Variants in WDR86 observed in about 807,000 individuals in gnomAD.
WDR86 encodes WD repeat-containing protein 86.
A neutral mutation model predicts 36.5 loss-of-function variants in WDR86; 30 were observed. The ratio of observed to expected loss-of-function variants is 0.82; its 90% confidence interval spans 0.61 to 1.11. WDR86 has a LOEUF of 1.11. Ranked by LOEUF, WDR86 falls within the 50% of genes most tolerant of loss-of-function variation. The pLI is 0.00. For synonymous variants in WDR86, 255 were observed against 252.9 expected (o/e 1.01, Z -0.08); for missense variants, 545 against 561.2 (o/e 0.97, Z 0.29).
In WDR86 at chr7:151,381,376, G is replaced by A. The variant is rs1286945797; in HGVS notation, c.*206C>T. Reference sequence around the variant, plus strand: ...GAGCCACCCTAAAAGGGAAAAGGGGGCGGTCCCCAGGGCGAGCACTCCCGC... The same window carrying A: ...GAGCCACCCTAAAAGGGAAAAGGGGACGGTCCCCAGGGCGAGCACTCCCGC... On this transcript the variant is annotated 3_prime_UTR_variant, in exon 6 of 6. Coordinates refer to ENST00000334493, the MANE Select transcript of WDR86 (RefSeq NM_198285.3). This position sits in a 1 kb window ranked among gnomAD's most constrained non-coding sequence, Gnocchi z 4.8. 6 of 1,443,930 alleles carry A rather than the reference G, an allele frequency of 4.2e-6. No homozygotes were observed. The African/African-American group carries it at 7.5e-5, about 18-fold the overall frequency. 89.4% of individuals were successfully genotyped at this position (1,443,930 alleles called of 1,614,324 possible).
intron 1 of WDR86, among the ~76,000 whole-genome samples, chr7:151,404,948 T>C (rs991159213): frequency 3.3e-5 from 5 of 152,212 alleles, no homozygotes; most frequent in African/African-American, 1.2e-4. Flanking sequence ...CCCTTCCCTG[T>C]GTCCCAGCTT....
At chr7:151,375,944 G>A (rs996900438) in exon 2 of WDR86, 3 of 1,599,956 alleles carry the variant, frequency 1.9e-6, no homozygotes, top group Middle Eastern at 3.3e-4. Flanking sequence ...CATTGACCGA[G>A]TGAGTGACAG....
chr7:151,380,203 G>C (rs992845613), downstream of WDR86, among the ~76,000 whole-genome samples: 1 of 152,198 alleles, frequency 6.6e-6, no homozygotes, highest in Admixed American at 6.5e-5. Context: ...GGTTCCCAGG[G>C]TTTGGAGGTT....
chr7:151,410,117 G>A (rs555903314), upstream of WDR86: 57 of 976,864 alleles, frequency 5.8e-5, no homozygotes, highest in African/African-American at 9.1e-4. Flanking sequence ...CCCCCACCCC[G>A]CGCGCCTGCA....
downstream of WDR86, chr7:151,377,842 A>G (rs1334262291): frequency 6.6e-6 from 1 of 152,248 alleles, no homozygotes; most frequent in Non-Finnish European, 1.5e-5. Context: ...CTCTTAGTTC[A>G]GTAAAATACG....
chr7:151,409,241 T>C lies in WDR86; in HGVS notation c.163+186A>G. 2.5e-6 allele frequency: 2 copies of C among 805,066 alleles called. No individual in the cohort carries two copies. The highest frequency in any genetic ancestry group is 1.8e-6 in the Non-Finnish European group (1 of 554,072). The allele number at this position is 805,066 out of a possible 1,614,324, so 49.9% of individuals were successfully genotyped here. A position where few individuals can be genotyped will look rare whatever the true frequency, so the allele number is the denominator to read the frequency against. On this transcript the variant is annotated intron_variant, in intron 1 of 5. Transcript: ENST00000334493. The surrounding 1 kb of genome is among the most constrained non-coding windows in gnomAD (Gnocchi z 5.2). ...TGCACCCGCACCCCACCCCCAGACC[T>C]CACCCTGCCCTGCCGTGCGCTCAAC...
At chr7:151,377,334 T>G, downstream of WDR86, 178 of 628,292 alleles carry the variant, frequency 2.8e-4, no homozygotes, top group Middle Eastern at 5.1e-4. Flanking sequence ...AAGTCCTCTT[T>G]GGGTGTAGGA....
chr7:151,399,514 C>A (rs989980795), intron 2 of WDR86, among the ~76,000 whole-genome samples: 6 of 152,220 alleles, frequency 3.9e-5, no homozygotes, highest in African/African-American at 1.2e-4. Context: ...TCCGAGGTGA[C>A]CACCACAAGT....
intron 2 of WDR86, among the ~76,000 whole-genome samples, chr7:151,396,530 C>T (rs1041238143): frequency 2.6e-5 from 4 of 151,786 alleles, no homozygotes; most frequent in African/African-American, 7.3e-5. Context: ...AGGGGAGCAG[C>T]GGGAAGCGGG....
chr7:151,404,052 G>C (rs904334305), intron 1 of WDR86, among the ~76,000 whole-genome samples: 1 of 152,230 alleles, frequency 6.6e-6, no homozygotes. Flanking sequence ...GTGAGCTGTG[G>C]CATCTCTACC....
At chr7:151,396,301 C>T (rs1799820781) in intron 2 of WDR86, 105 bp from the exon 3 acceptor site, 1 of 1,299,386 alleles carries the variant, frequency 7.7e-7, no homozygotes, top group Non-Finnish European at 1.1e-6. Context: ...ATAACCTCTC[C>T]CTGTGTCTGC....
downstream of WDR86, chr7:151,381,042 G>A (rs999021860): frequency 4.7e-6 from 4 of 844,790 alleles, no homozygotes; most frequent in South Asian, 5.9e-5. The surrounding 1 kb of genome is among the most constrained non-coding windows in gnomAD (Gnocchi z 4.8). Context: ...CAGGAGGCCC[G>A]CCGCCCTGGG....
intron 1 of WDR86, among the ~76,000 whole-genome samples, chr7:151,403,627 T>C (rs975536743): frequency 2.0e-5 from 3 of 152,244 alleles, no homozygotes; most frequent in African/African-American, 7.2e-5. Context: ...GAAAACAATG[T>C]ACGGATTAAG....
rs1798566445 is a variant in WDR86 at position 151,381,562 on chromosome 7, T to C, written c.*20A>G. The C allele has an allele frequency of 2.2e-6, 3 of 1,377,906 alleles. No homozygotes were observed. In the East Asian group the frequency reaches 9.2e-5, roughly 42 times the overall value. The allele number at this position is 1,377,906 out of a possible 1,614,324, so 85.4% of individuals were successfully genotyped here. On this transcript the variant is annotated 3_prime_UTR_variant, in exon 6 of 6. Coordinates refer to ENST00000334493, the MANE Select transcript of WDR86 (RefSeq NM_198285.3). The surrounding 1 kb of genome is among the most constrained non-coding windows in gnomAD (Gnocchi z 4.8). ...GAGCCGCTGGGTGTCTGGGCTGGCG[T>C]CTGCAGGGGCCCCGCGGGATCAGGC...
chr7:151,385,476 C>T (rs1218773047), intron 3 of WDR86, among the ~76,000 whole-genome samples: 3 of 152,230 alleles, frequency 2.0e-5, no homozygotes, highest in Admixed American at 2.0e-4. Context: ...CTGGGCCAGT[C>T]CCTGGCTCTC....
intron 1 of WDR86, among the ~76,000 whole-genome samples, chr7:151,404,792 TG>T (rs963076613): frequency 2.0e-5 from 3 of 152,314 alleles, no homozygotes; most frequent in African/African-American, 4.8e-5. Flanking sequence ...GGGGACTCGC[TG>T]GAAGTTTCAA....
At chr7:151,374,165 G>C, downstream of WDR86, 2 of 1,576,894 alleles carry the variant, frequency 1.3e-6, no homozygotes, top group South Asian at 2.3e-5. Flanking sequence ...TCAGGTTTCT[G>C]AAAGGGATGG....
chr7:151,375,016 G>C (rs1274777586), downstream of WDR86, among the ~76,000 whole-genome samples: 1 of 151,496 alleles, frequency 6.6e-6, no homozygotes, highest in Admixed American at 6.6e-5. Flanking sequence ...CACGTGCTGG[G>C]GGCGGGGCTG....
chr7:151,389,771 G>A (rs1487233594), intron 3 of WDR86, among the ~76,000 whole-genome samples: 1 of 152,206 alleles, frequency 6.6e-6, no homozygotes, highest in Non-Finnish European at 1.5e-5. Flanking sequence ...CTCTCATTTC[G>A]AGGAAGGGGA....
Sources: gnomAD v4.1 joint callset for allele counts (sites outside exome capture counted in the v4.1 genomes callset) on GRCh38, gnomAD v4.1.1 for gene constraint, Gnocchi (gnomAD v3.1) non-coding constraint, MANE v1.5 for transcripts, NCBI Gene and HGNC (gene_info 2026-07-23, HGNC 2026-07-21) for gene names.